CSRP2: variants seen among roughly 807,000 people sequenced by gnomAD.
CSRP2 encodes cysteine and glycine-rich protein 2.
CSRP2 carries 18 observed loss-of-function variants against 24.6 expected under a neutral mutation model. The ratio of observed to expected loss-of-function variants is 0.73; its 90% CI spans 0.51 to 1.09. The LOEUF is 1.09. Among genes scored for constraint, CSRP2 ranks in the 50% least tolerant of loss-of-function variants. The pLI is 0.00. For missense variants in CSRP2, 215 were observed against 239.4 expected (o/e 0.90, Z 0.67); for synonymous variants, 87 against 84.3 (o/e 1.03, Z -0.18).
At chr12:76,869,571 CACACA>C (rs1953773899) in intron 1 of CSRP2, among the ~76,000 whole-genome samples, 5 of 146,304 alleles carry the variant, frequency 3.4e-5, no homozygotes, top group African/African-American at 1.3e-4. Context: ...CACACACACA[CACACA>C]CACCCCTGAC....
At chr12:76,860,961 T>G (rs1191317568) in intron 3 of CSRP2, 2 of 152,230 alleles carry the variant, frequency 1.3e-5, no homozygotes, top group Admixed American at 1.3e-4. Flanking sequence ...TAGCCAACTT[T>G]CTTCATGGAA....
intron 3 of CSRP2, chr12:76,862,107 G>A (rs1035482171): frequency 1.3e-5 from 2 of 152,198 alleles, no homozygotes; most frequent in African/African-American, 2.4e-5. Flanking sequence ...AATGCTGCAC[G>A]GTGGCTGGCA....
intron 1 of CSRP2, among the ~76,000 whole-genome samples, chr12:76,873,285 G>A (rs965105741): frequency 6.6e-5 from 10 of 152,334 alleles, no homozygotes; most frequent in African/African-American, 2.4e-4. Flanking sequence ...GTTAAAGAAT[G>A]TAAGTTAGTA....
Position 76,860,427 on chromosome 12 carries a change from G to GA in CSRP2, c.282-15dup, listed in dbSNP as rs35557984. On this transcript the variant is annotated splice_polypyrimidine_tract_variant and intron_variant, in intron 3 of 5. Transcript: ENST00000311083. The stretch of plus-strand genomic sequence containing the variant: ...TGAGGCTGAACACTTGTGAAAAGAG[G>GA]AAAAAAAAAGTAGGCAAGAGTTTCC... The GA allele has an allele frequency of 2.0e-5, 32 of 1,603,386 alleles. No individual in the cohort carries two copies. Among genetic ancestry groups the GA allele is most frequent in the Non-Finnish European group, 2.3e-5 (27 of 1,174,188 alleles).
At chr12:76,873,247 C>T (rs1953819311) in intron 1 of CSRP2, among the ~76,000 whole-genome samples, 1 of 152,194 alleles carries the variant, frequency 6.6e-6, no homozygotes, top group African/African-American at 2.4e-5. Flanking sequence ...ACAGTCTCAT[C>T]TTGAGCCACA....
chr12:76,867,515 A>G (rs1235876148), intron 1 of CSRP2, among the ~76,000 whole-genome samples: 1 of 152,116 alleles, frequency 6.6e-6, no homozygotes, highest in Non-Finnish European at 1.5e-5. Context: ...ACGAAAAGAA[A>G]AAAGCCTGGT....
intron 1 of CSRP2, among the ~76,000 whole-genome samples, chr12:76,875,867 T>C (rs957736336): frequency 2.0e-5 from 3 of 152,216 alleles, no homozygotes; most frequent in African/African-American, 7.2e-5. Context: ...TCTCATTTTA[T>C]GAGTGGGGAA....
intron 1 of CSRP2, among the ~76,000 whole-genome samples, chr12:76,870,695 A>C (rs1302891240): frequency 6.6e-6 from 1 of 151,890 alleles, no homozygotes; most frequent in East Asian, 1.9e-4. Flanking sequence ...AGTTGGATTT[A>C]CATTTTTTTT....
intron 1 of CSRP2, among the ~76,000 whole-genome samples, chr12:76,870,403 T>G (rs1274338624): frequency 6.6e-6 from 1 of 152,244 alleles, no homozygotes; most frequent in Non-Finnish European, 1.5e-5. Context: ...TTCTTTAAAC[T>G]TACTTATTCT....
intron 3 of CSRP2, 190 bp from the exon 4 acceptor site, chr12:76,860,603 C>G: frequency 1.8e-6 from 1 of 562,412 alleles, no homozygotes; most frequent in South Asian, 2.7e-5. Context: ...ACTACTTGAA[C>G]CTATCTATGG....
rs532305725 is a variant in CSRP2 at position 76,871,567 on chromosome 12, A to G, written c.-1-5306T>C. ...GGGCAGATCACGAGGTCAGGAGATC[A>G]AGACCATCCTGGCTAACACGGTGAA... On this transcript the variant is annotated intron_variant, in intron 1 of 5. Transcript: ENST00000311083. Among the ~76,000 whole-genome samples the G allele has an allele frequency of 7.2e-3, 1,089 of 152,194 alleles. 20 individuals are homozygous for G. The highest frequency in any genetic ancestry group is 0.025 in the African/African-American group (1,039 of 41,526).
At chr12:76,875,136 A>C (rs557333940) in intron 1 of CSRP2, among the ~76,000 whole-genome samples, 1 of 152,314 alleles carries the variant, frequency 6.6e-6, no homozygotes, top group Middle Eastern at 3.4e-3. Context: ...TGAGTTACCA[A>C]ATTACACACA....
At chr12:76,877,986 A>T (rs1953869273) in intron 1 of CSRP2, among the ~76,000 whole-genome samples, 1 of 102,274 alleles carries the variant, frequency 9.8e-6, no homozygotes, top group African/African-American at 3.9e-5. Context: ...CCCAAAAAAA[A>T]TTCTGTACCG....
At chr12:76,866,439 C>G (rs1181235827) in intron 1 of CSRP2, among the ~76,000 whole-genome samples, 178 bp from the exon 2 acceptor site, 2 of 151,346 alleles carry the variant, frequency 1.3e-5, no homozygotes, top group African/African-American at 4.9e-5. Flanking sequence ...AATAACAACT[C>G]TTTCATTAGG....
intron 3 of CSRP2, chr12:76,862,641 A>T: frequency 1.1e-6 from 1 of 891,442 alleles, no homozygotes. Context: ...TAGCACCTTG[A>T]TACGTTGGCA....
At chr12:76,866,371 T>C (rs1374198635) in intron 1 of CSRP2, 110 bp from the exon 2 acceptor site, 1 of 669,168 alleles carries the variant, frequency 1.5e-6, no homozygotes, top group Non-Finnish European at 2.6e-6. Context: ...TATGAACCTC[T>C]CTAACCACAT....
intron 3 of CSRP2, 106 bp from the exon 4 acceptor site, chr12:76,860,519 C>T (rs528484905): frequency 7.4e-7 from 1 of 1,360,060 alleles, no homozygotes; most frequent in Non-Finnish European, 1.0e-6. Flanking sequence ...TACACTGCCT[C>T]AAAGCTGGAA....
At chr12:76,863,718 C>A in intron 2 of CSRP2, 1 of 168,938 alleles carries the variant, frequency 5.9e-6, no homozygotes. Flanking sequence ...TCAAAGGTGG[C>A]TATAAAAATG....
At chr12:76,862,119 G>C (rs959858335) in intron 3 of CSRP2, 1 of 152,140 alleles carries the variant, frequency 6.6e-6, no homozygotes, top group Non-Finnish European at 1.5e-5. Flanking sequence ...TGGCTGGCAT[G>C]GTTTATGGTC....
Sources: allele counts gnomAD v4.1 joint callset (sites outside exome capture counted in the v4.1 genomes callset), GRCh38; gene constraint gnomAD v4.1.1; transcripts MANE v1.5; gene names NCBI Gene and HGNC (gene_info 2026-07-23, HGNC 2026-07-21).